Variants in SLC28A3 observed in about 807,000 individuals in gnomAD.
The protein encoded by SLC28A3 is concentrative Na(+)-nucleoside cotransporter 3.
Under a neutral mutation model 84.2 loss-of-function variants are expected in SLC28A3, and 68 were observed. The observed-to-expected ratio is 0.81, with a 90% CI of 0.66 to 0.99. The LOEUF (loss-of-function observed/expected upper bound fraction) is 0.99, where lower values mean the gene tolerates loss of function less well. Among genes scored for constraint, SLC28A3 ranks in the 50% least tolerant of loss-of-function variants. SLC28A3 has a pLI of 0.00. For synonymous variants in SLC28A3, 267 were observed against 303.6 expected, an observed-to-expected ratio of 0.88 and a Z score of 1.25; for missense variants, 712 against 841.5, an observed-to-expected ratio of 0.85 and a Z score of 1.90.
intron 3 of SLC28A3, among the ~76,000 whole-genome samples, chr9:84,307,138 A>G (rs942158145): frequency 2.0e-5 from 3 of 151,162 alleles, no homozygotes; most frequent in African/African-American, 7.3e-5. Context: ...CAACCAAAAA[A>G]AAAAAAAAAA....
chr9:84,309,523 CAAAAAAAAAAAAAA>C (rs71366931), intron 3 of SLC28A3, 92 bp downstream of exon 3: 2 of 239,284 alleles, frequency 8.4e-6, no homozygotes, highest in African/African-American at 1.1e-4. Flanking sequence ...ACTCTTATCT[CAAAAAAAAAAAAAA>C]AAAAAAAAAA....
chr9:84,335,975 A>G (rs1826961129), intron 1 of SLC28A3, among the ~76,000 whole-genome samples: 1 of 151,900 alleles, frequency 6.6e-6, no homozygotes, highest in Admixed American at 6.6e-5. Context: ...CCTGGTTTGG[A>G]TTATGACAGT....
chr9:84,309,651 C>A lies in SLC28A3; in HGVS notation c.220G>T (p.Asp74Tyr). The A allele has an allele frequency of 1.9e-6, 3 of 1,608,318 alleles. No individual in the cohort carries two copies. Among genetic ancestry groups the A allele is most frequent in the East Asian group, 2.2e-5 (1 of 44,532 alleles). The change falls in exon 3 of 18, where the codon GAT becomes TAT. Residue 74 changes from aspartate to tyrosine, a missense_variant. Coordinates refer to ENST00000376238, the MANE Select transcript of SLC28A3 (RefSeq NM_001199633.2). ...PRNREHMEDD[D>Y]EEMQQKGCLE... is the part of the protein sequence containing the mutation. ...TACCCTTTTTGTTGCATCTCCTCATCATCATCCTCCATGTGTTCTCTGTTT... is the reference window on the plus strand; with the variant it reads ...TACCCTTTTTGTTGCATCTCCTCATAATCATCCTCCATGTGTTCTCTGTTT...
chr9:84,308,071 G>A (rs138053426), intron 3 of SLC28A3, among the ~76,000 whole-genome samples: 3 of 152,196 alleles, frequency 2.0e-5, no homozygotes, highest in African/African-American at 7.2e-5. Context: ...CCCTAATTCT[G>A]GCCAACTCCA....
At chr9:84,362,063 A>T in the SLC28A3 span, among the ~76,000 whole-genome samples, 2 of 152,202 alleles carry the variant, frequency 1.3e-5, no homozygotes, top group Non-Finnish European at 2.9e-5. Context: ...TTCCCAGGAC[A>T]ACCCGACTTA....
At chr9:84,367,940 G>A in the SLC28A3 span, among the ~76,000 whole-genome samples, 10 of 152,088 alleles carry the variant, frequency 6.6e-5, no homozygotes, top group Admixed American at 1.3e-4. Flanking sequence ...AGGGACATGC[G>A]GGAAACAGAG....
At chr9:84,295,694 A>C (rs1421838186) in intron 8 of SLC28A3, among the ~76,000 whole-genome samples, 1 of 152,058 alleles carries the variant, frequency 6.6e-6, no homozygotes, top group Non-Finnish European at 1.5e-5. Flanking sequence ...CAATGTTTCC[A>C]CAGAGAGCAG....
chr9:84,342,127 C>CAA (rs200186519), upstream of SLC28A3, among the ~76,000 whole-genome samples: 49 of 68,718 alleles, frequency 7.1e-4, no homozygotes, highest in African/African-American at 1.3e-3. Context: ...GACCCTGTCT[C>CAA]AAAAAAAAAA....
chr9:84,365,078 A>G, the SLC28A3 span, among the ~76,000 whole-genome samples: 13 of 152,174 alleles, frequency 8.5e-5, no homozygotes, highest in Non-Finnish European at 1.6e-4. Context: ...CTATTTTTAG[A>G]TTTTTGAGGA....
chr9:84,316,381 G>A (rs1015395993), intron 1 of SLC28A3, among the ~76,000 whole-genome samples: 8 of 152,202 alleles, frequency 5.3e-5, no homozygotes, highest in Admixed American at 5.2e-4. Flanking sequence ...AAGTAGAAAG[G>A]GTGCCCTGTT....
chr9:84,342,093 C>T (rs893083227), upstream of SLC28A3, among the ~76,000 whole-genome samples: 6 of 142,914 alleles, frequency 4.2e-5, no homozygotes, highest in Admixed American at 2.8e-4. Context: ...CGCACCGCTG[C>T]CTCCCATCTG....
At chr9:84,314,232 T>A (rs1218658089) in intron 1 of SLC28A3, among the ~76,000 whole-genome samples, 3 of 152,146 alleles carry the variant, frequency 2.0e-5, no homozygotes, top group African/African-American at 7.2e-5. Flanking sequence ...TGTGTGAGGC[T>A]GTCTTGATTT....
upstream of SLC28A3, among the ~76,000 whole-genome samples, chr9:84,343,272 T>TTC (rs1479386968): frequency 6.6e-6 from 1 of 152,182 alleles, no homozygotes; most frequent in Non-Finnish European, 1.5e-5. Flanking sequence ...AACCCTCCGT[T>TTC]TCTCTGGGCC....
At chr9:84,325,906 A>G (rs944068521) in intron 1 of SLC28A3, among the ~76,000 whole-genome samples, 8 of 152,188 alleles carry the variant, frequency 5.3e-5, no homozygotes, top group Non-Finnish European at 1.2e-4. Flanking sequence ...TATTTTTTAA[A>G]TGTCCTTTTA....
At chr9:84,289,000 G>A (rs1395600352) in intron 11 of SLC28A3, among the ~76,000 whole-genome samples, 1 of 152,098 alleles carries the variant, frequency 6.6e-6, no homozygotes, top group Non-Finnish European at 1.5e-5. Context: ...TTGATCTGGT[G>A]GCCCTTTAAT....
chr9:84,306,483 G>A (rs988100278), intron 3 of SLC28A3, among the ~76,000 whole-genome samples: 6 of 152,104 alleles, frequency 3.9e-5, no homozygotes, highest in Admixed American at 1.3e-4. Flanking sequence ...TATTCTTACT[G>A]TCTTCTTTGA....
At chr9:84,346,403 A>G in the SLC28A3 span, among the ~76,000 whole-genome samples, 1 of 152,356 alleles carries the variant, frequency 6.6e-6, no homozygotes, top group Admixed American at 6.5e-5. Context: ...AAAGGAGTAA[A>G]GAGAAAATTT....
At chr9:84,304,656 AC>A (rs1825731716) in intron 4 of SLC28A3, among the ~76,000 whole-genome samples, 1 of 152,144 alleles carries the variant, frequency 6.6e-6, no homozygotes, top group African/African-American at 2.4e-5. Context: ...ATTTGTGTAA[AC>A]CAACACACCT....
intron 2 of SLC28A3, 115 bp from the exon 3 acceptor site, chr9:84,309,829 T>C (rs1825930862): frequency 2.6e-6 from 2 of 782,252 alleles, no homozygotes; most frequent in East Asian, 5.2e-5. Context: ...TTTTAAATTA[T>C]TATGCAAGAA....
Sources: gnomAD v4.1 joint callset for allele counts (sites outside exome capture counted in the v4.1 genomes callset) on GRCh38, gnomAD v4.1.1 for gene constraint, MANE v1.5 for transcripts, NCBI Gene and HGNC (gene_info 2026-07-23, HGNC 2026-07-21) for gene names.